DNM1: variants seen among roughly 807,000 people sequenced by gnomAD.
DNM1 encodes dynamin-1.
Under a neutral mutation model 104.6 loss-of-function variants are expected in DNM1, and 29 were observed. The ratio of observed to expected loss-of-function variants is 0.28; its 90% CI spans 0.21 to 0.38. The LOEUF (loss-of-function observed/expected upper bound fraction) is 0.38, where lower values mean the gene tolerates loss of function less well. Among genes scored for constraint, DNM1 ranks in the 10% least tolerant of loss-of-function variants. The pLI, the probability that DNM1 is intolerant of heterozygous loss-of-function variation, is 1.00. For missense variants in DNM1, 640 were observed against 1,189.4 expected (o/e 0.54, Z 6.79); for synonymous variants, 445 against 475.8 (o/e 0.94, Z 0.84).
At chr9:128,210,103 T>A (rs1359283520) in intron 1 of DNM1, among the ~76,000 whole-genome samples, 5 of 152,162 alleles carry the variant, frequency 3.3e-5, no homozygotes, top group Non-Finnish European at 5.9e-5. Context: ...TGGAGTGCAG[T>A]GGGGCGATCT....
rs1836905661 is a variant in DNM1, at chr9:128,247,609, T to A, written c.1893+123T>A. The A allele has an allele frequency of 1.2e-6, 1 of 828,844 alleles. No homozygotes were observed. Among genetic ancestry groups the A allele is most frequent in the African/African-American group, 1.7e-5 (1 of 58,878 alleles). The allele number at this position is 828,844 out of a possible 1,614,324, so 51.3% of individuals were successfully genotyped here. A position where few individuals can be genotyped will look rare whatever the true frequency, so the allele number is the denominator to read the frequency against. On this transcript the variant is annotated intron_variant, in intron 17 of 21. Coordinates refer to ENST00000372923, the MANE Select transcript of DNM1 (RefSeq NM_004408.4). The surrounding 1 kb of genome is among the most constrained non-coding windows in gnomAD (Gnocchi z 5.1). Reference sequence around the variant, plus strand: ...TTATTTGGCTCAGAAATAATAGGAATCCTCCCCCCTACCCACTCTGGGGGT... The same window carrying A: ...TTATTTGGCTCAGAAATAATAGGAAACCTCCCCCCTACCCACTCTGGGGGT...
Position 128,254,041 on chromosome 9 carries a change from C to G in DNM1, c.2535-613C>G. 1 of 1,236,524 alleles carries G rather than the reference C, an allele frequency of 8.1e-7. No individual in the cohort carries two copies. The highest frequency in any genetic ancestry group is 1.0e-6 in the Non-Finnish European group (1 of 991,286). The allele number at this position is 1,236,524 out of a possible 1,614,324, so 76.6% of individuals were successfully genotyped here. A position where few individuals can be genotyped will look rare whatever the true frequency, so the allele number is the denominator to read the frequency against. On this transcript the variant is annotated intron_variant, in intron 21 of 21. Transcript: ENST00000372923. This position sits in a 1 kb window ranked among gnomAD's most constrained non-coding sequence, Gnocchi z 6.1. The stretch of plus-strand genomic sequence containing the variant: ...CCAGCCTCACCTACGAGACCTGCAG[C>G]CCCCCGACCAGCTGAGGCTCCCCTC...
chr9:128,203,663 C>T lies in DNM1; in HGVS notation c.161+32C>T. 1 of 1,489,606 alleles carries T rather than the reference C, an allele frequency of 6.7e-7. No homozygotes were observed. Among genetic ancestry groups the T allele is most frequent in the Middle Eastern group, 2.4e-4 (1 of 4,122 alleles). The allele number at this position is 1,489,606 out of a possible 1,614,324, so 92.3% of individuals were successfully genotyped here. A position where few individuals can be genotyped will look rare whatever the true frequency, so the allele number is the denominator to read the frequency against. ...GCGGCGCGCCCCCAGGCGCCGACCC[C>T]CGACCCCCGGGATCCCTGGAGTCCC... On this transcript the variant is annotated intron_variant, in intron 1 of 21. Coordinates refer to ENST00000372923, the MANE Select transcript of DNM1 (RefSeq NM_004408.4). The surrounding 1 kb of genome is among the most constrained non-coding windows in gnomAD (Gnocchi z 5.3).
intron 1 of DNM1, among the ~76,000 whole-genome samples, chr9:128,205,979 G>C (rs957700468): frequency 2.6e-5 from 4 of 152,190 alleles, no homozygotes. Context: ...GGCAGGGGAG[G>C]GGGCTTAGGT....
chr9:128,214,356 A>G (rs1269511243), intron 1 of DNM1, among the ~76,000 whole-genome samples: 1 of 152,218 alleles, frequency 6.6e-6, no homozygotes, highest in Non-Finnish European at 1.5e-5. Context: ...GTGCACAGCC[A>G]CACAGCTCCT....
rs754950978 is a variant in DNM1 at position 128,220,740 on chromosome 9, C to CGTGTGTGT, written c.849+400_849+401insTGTGTGTG. On this transcript the variant is annotated intron_variant, in intron 6 of 21. Transcript: ENST00000372923. This position sits in a 1 kb window ranked among gnomAD's most constrained non-coding sequence, Gnocchi z 5.2. ...TCCAGAACTGAAGTGCGCGCGCGCG[C>CGTGTGTGT]GCGTGTGTGTGTGTGTGTGTGTGTG... Among the ~76,000 whole-genome samples the CGTGTGTGT allele has an allele frequency of 0.029, 3,676 of 125,622 alleles. 80 individuals are homozygous for CGTGTGTGT. Among genetic ancestry groups the CGTGTGTGT allele is most frequent in the East Asian group, 0.068 (212 of 3,134 alleles). 82.4% of individuals were successfully genotyped at this position (125,622 alleles called of 152,430 possible).
rs1588466006 is a variant in DNM1 at position 128,253,099 on chromosome 9, A to G, written c.2535-1555A>G. 1 of 1,610,722 alleles carries G rather than the reference A, an allele frequency of 6.2e-7. No individual in the cohort carries two copies. The highest frequency in any genetic ancestry group is 8.5e-7 in the Non-Finnish European group (1 of 1,179,954). On this transcript the variant is annotated intron_variant, in intron 21 of 21. Transcript: ENST00000372923. This position sits in a 1 kb window ranked among gnomAD's most constrained non-coding sequence, Gnocchi z 5.9. ...CCATGTTGATTTCGTGCTGTCTTTC[A>G]GAATCACTATCAGTGACCCCTGAGG...
In DNM1 at chr9:128,220,258, C is replaced by T. The variant is rs1456731322; in HGVS notation, c.766C>T (p.Arg256Ter). The change falls in exon 6 of 22, where the codon CGA (arginine) becomes TGA (stop). Residue 256 changes from arginine (R) to a stop codon, truncating the protein, a stop_gained. Transcript: ENST00000372923. LOFTEE classifies it high-confidence loss of function. The surrounding 1 kb of genome is among the most constrained non-coding windows in gnomAD (Gnocchi z 5.2). Reference protein sequence around the residue: ...KDITAALAAERKFFLSHPSYR... With the variant: ...KDITAALAAE Reference sequence around the variant, plus strand: ...CATTACCGCCGCCTTGGCTGCTGAACGAAAGTTCTTCCTCTCCCATCCATC... The same window carrying T: ...CATTACCGCCGCCTTGGCTGCTGAATGAAAGTTCTTCCTCTCCCATCCATC... 1.2e-6 allele frequency: 2 copies of T among 1,614,228 alleles called. No homozygotes were observed. Among genetic ancestry groups the T allele is most frequent in the Non-Finnish European group, 1.7e-6 (2 of 1,180,048 alleles).
rs1185970846 is a variant in DNM1 at position 128,254,474 on chromosome 9, C to T, written c.2535-180C>T. The T allele has an allele frequency of 2.0e-6, 3 of 1,503,332 alleles. No homozygotes were observed. The highest frequency in any genetic ancestry group is 1.2e-5 in the South Asian group (1 of 80,872). 93.1% of individuals were successfully genotyped at this position (1,503,332 alleles called of 1,614,324 possible). A position where few individuals can be genotyped will look rare whatever the true frequency, so the allele number is the denominator to read the frequency against. On this transcript the variant is annotated intron_variant, in intron 21 of 21. Transcript: ENST00000372923. This position sits in a 1 kb window ranked among gnomAD's most constrained non-coding sequence, Gnocchi z 6.1. ...ACGGCTCCTCCCTCCATCTTCCTCC[C>T]CTTTCCCTTCCAGCCCCTTTTCCAG...
chr9:128,235,846 C>G (rs938460559), intron 11 of DNM1, among the ~76,000 whole-genome samples: 3 of 152,136 alleles, frequency 2.0e-5, no homozygotes, highest in Non-Finnish European at 4.4e-5. Context: ...TCCCGAGTAG[C>G]TGGGGCTACA....
Position 128,203,939 on chromosome 9 carries a change from C to T in DNM1, c.161+308C>T, listed in dbSNP as rs115261347. Reference sequence around the variant, plus strand: ...GCCCCGGGCAAAGAGCTGCCCCCCGCCCCCAACATGGGCATGGAGAGAGCC... The same window carrying T: ...GCCCCGGGCAAAGAGCTGCCCCCCGTCCCCAACATGGGCATGGAGAGAGCC... On this transcript the variant is annotated intron_variant, in intron 1 of 21. Transcript: ENST00000372923. This position sits in a 1 kb window ranked among gnomAD's most constrained non-coding sequence, Gnocchi z 5.3. 4.1e-3 allele frequency: 778 copies of T among 192,096 alleles called. 11 individuals are homozygous for T. The highest frequency in any genetic ancestry group is 0.017 in the African/African-American group (743 of 42,774). The allele number at this position is 192,096 out of a possible 1,614,324, so 11.9% of individuals were successfully genotyped here.
chr9:128,229,603 A>AT (rs1330884258), intron 10 of DNM1, among the ~76,000 whole-genome samples: 4,969 of 144,702 alleles, frequency 0.034, 191 homozygotes, highest in African/African-American at 0.12. Context: ...ACCTTATCAA[A>AT]AAAAAAAAAA....
chr9:128,219,848 G>A (rs1564329412), intron 4 of DNM1, 140 bp from the exon 5 acceptor site: 4 of 604,438 alleles, frequency 6.6e-6, no homozygotes, highest in Non-Finnish European at 5.8e-6. Flanking sequence ...GCTACTCTGT[G>A]GAAAATGAAT....
At chr9:128,216,150 G>A (rs530064788) in intron 1 of DNM1, among the ~76,000 whole-genome samples, 2 of 152,236 alleles carry the variant, frequency 1.3e-5, no homozygotes, top group East Asian at 3.9e-4. Flanking sequence ...CTCAGGGTGG[G>A]AACTGTCTGA....
In DNM1 at chr9:128,222,738, C is replaced by T; in HGVS notation, c.1129-55C>T. The T allele has an allele frequency of 1.7e-5, 27 of 1,609,080 alleles. 1 individual carries two copies. The South Asian group carries it at 3.0e-4, about 18-fold the overall frequency. On this transcript the variant is annotated intron_variant, in intron 8 of 21. Transcript: ENST00000372923. The surrounding 1 kb of genome is among the most constrained non-coding windows in gnomAD (Gnocchi z 7.8). ...AGGTGTGGGGTGGGCCCTGTCTTGA[C>T]CTCCCAGGTAGTAGGACAGGCCCTG...
At position 128,246,455 on chromosome 9, in the gene DNM1, G is replaced by T; in HGVS notation, c.1733G>T (p.Gly578Val). 1 of 1,614,104 alleles carries T rather than the reference G, an allele frequency of 6.2e-7. No individual in the cohort carries two copies. The highest frequency in any genetic ancestry group is 8.5e-7 in the Non-Finnish European group (1 of 1,180,004). Residue 578 changes from glycine (G) to valine (V), a missense_variant, in exon 16 of 22, where the codon GGC becomes GTC. Coordinates refer to ENST00000372923, the MANE Select transcript of DNM1 (RefSeq NM_004408.4). ...CTCAAGCTGCGGGACGTGGAGAAGGGCTTTATGTCGAGCAAGCATATCTTT... is the reference window on the plus strand; with the variant it reads ...CTCAAGCTGCGGGACGTGGAGAAGGTCTTTATGTCGAGCAAGCATATCTTT... ...DNLKLRDVEK[G>V]FMSSKHIFAL...
In DNM1 at chr9:128,220,331, T is replaced by C. The variant is rs1415413717; in HGVS notation, c.839T>C (p.Val280Ala). 2 of 1,613,704 alleles carry C rather than the reference T, an allele frequency of 1.2e-6. No individual in the cohort carries two copies. Among genetic ancestry groups the C allele is most frequent in the Non-Finnish European group, 1.7e-6 (2 of 1,180,010 alleles). The part of the protein sequence containing the change: ...DRMGTPYLQK[V>A]LNQQLTNHIR... The stretch of plus-strand genomic sequence containing the variant: ...ATGGGCACGCCCTACCTGCAGAAGG[T>C]CCTCAATCAGGTAGGCGACCAAGCC... The change falls in exon 6 of 22, where the codon GTC becomes GCC. Residue 280 changes from valine (V) to alanine (A), a missense_variant. Physicochemically the swap from Val to Ala is moderately conservative, Grantham distance 64. Transcript: ENST00000372923. This position sits in a 1 kb window ranked among gnomAD's most constrained non-coding sequence, Gnocchi z 5.2.
Position 128,254,592 on chromosome 9 carries a change from C to G in DNM1, c.2535-62C>G. The G allele has an allele frequency of 6.3e-7, 1 of 1,595,766 alleles. No homozygotes were observed. Among genetic ancestry groups the G allele is most frequent in the African/African-American group, 1.3e-5 (1 of 74,940 alleles). On this transcript the variant is annotated intron_variant, in intron 21 of 21. Transcript: ENST00000372923. The surrounding 1 kb of genome is among the most constrained non-coding windows in gnomAD (Gnocchi z 6.1). ...GGCCCCGGCCGTGTGCTGCGCTTGC[C>G]TTACCAGCTCTCTCCTCGCTTTTCT...
intron 1 of DNM1, among the ~76,000 whole-genome samples, chr9:128,214,309 G>A (rs994069090): frequency 2.0e-5 from 3 of 152,154 alleles, no homozygotes; most frequent in Non-Finnish European, 4.4e-5. Flanking sequence ...CCATTTTACT[G>A]ATGTGGAAAC....
Sources: gnomAD v4.1 joint callset for allele counts (sites outside exome capture counted in the v4.1 genomes callset) on GRCh38, gnomAD v4.1.1 for gene constraint, Gnocchi (gnomAD v3.1) non-coding constraint, MANE v1.5 for transcripts, NCBI Gene and HGNC (gene_info 2026-07-23, HGNC 2026-07-21) for gene names.